PREX1: variants seen among roughly 807,000 people sequenced by gnomAD.
PREX1 encodes phosphatidylinositol-3,4,5-trisphosphate dependent Rac exchange factor 1.
PREX1 carries 41 observed loss-of-function variants against 198.3 expected under a neutral mutation model. That is an observed-to-expected ratio of 0.21 (90% CI 0.16 to 0.27). The LOEUF is 0.27. Among genes scored for constraint, PREX1 ranks in the 10% least tolerant of loss-of-function variants. The pLI, the probability that PREX1 is intolerant of heterozygous loss-of-function variation, is 1.00. For synonymous variants in PREX1, 843 were observed against 887.2 expected, an observed-to-expected ratio of 0.95 and a Z score of 0.89; for missense variants, 1,620 against 2,200.7, an observed-to-expected ratio of 0.74 and a Z score of 5.28.
chr20:48,690,811 C>T (rs2089814987), intron 9 of PREX1, 136 bp downstream of exon 9: 1 of 1,292,588 alleles, frequency 7.7e-7, no homozygotes, highest in African/African-American at 1.5e-5. Context: ...CTCCCTGTCC[C>T]TTCAAATACC....
At chr20:48,799,685 G>A (rs901057125) in intron 1 of PREX1, among the ~76,000 whole-genome samples, 1 of 152,144 alleles carries the variant, frequency 6.6e-6, no homozygotes, top group African/African-American at 2.4e-5. Context: ...TTAGATAGGT[G>A]GAAAATGGGG....
intron 13 of PREX1, among the ~76,000 whole-genome samples, chr20:48,676,559 T>C (rs1025393539): frequency 1.3e-5 from 2 of 151,606 alleles, no homozygotes; most frequent in Non-Finnish European, 2.9e-5. Flanking sequence ...CAGCTGGGGG[T>C]GATTTTGCCC....
At chr20:48,628,088 A>C (rs1020960674) in intron 37 of PREX1, 125 bp from the exon 38 acceptor site, 32 of 692,822 alleles carry the variant, frequency 4.6e-5, no homozygotes, top group Middle Eastern at 4.0e-4. Flanking sequence ...GGCCTCCCAG[A>C]CCCAATCCTG....
chr20:48,688,632 G>A (rs6125433), intron 10 of PREX1, 25 bp downstream of exon 10: 1 of 1,613,800 alleles, frequency 6.2e-7, no homozygotes, highest in South Asian at 1.1e-5. Flanking sequence ...CAGGGACCCA[G>A]GGAGTTCAGA....
At chr20:48,631,519 G>A (rs4809712) in intron 35 of PREX1, among the ~76,000 whole-genome samples, 12,347 of 152,252 alleles carry the variant, frequency 0.081, 580 homozygotes, top group South Asian at 0.15. Context: ...AGGACTCAGA[G>A]TATTCCACAG....
chr20:48,656,491 T>A (rs1439122769), intron 18 of PREX1: 9 of 456,728 alleles, frequency 2.0e-5, no homozygotes, highest in South Asian at 1.4e-4. Context: ...TCCAGCCCCA[T>A]CAGCTTCCTT....
chr20:48,689,919 G>T (rs1178347909), intron 9 of PREX1, among the ~76,000 whole-genome samples: 1 of 152,242 alleles, frequency 6.6e-6, no homozygotes, highest in African/African-American at 2.4e-5. Flanking sequence ...GAGAGGAGAA[G>T]CGGATGGGTG....
intron 31 of PREX1, 88 bp from the exon 32 acceptor site, chr20:48,636,771 C>T (rs918433782): frequency 7.0e-6 from 8 of 1,149,024 alleles, no homozygotes; most frequent in Non-Finnish European, 7.2e-6. Flanking sequence ...TCCAGGACCC[C>T]TCATGGAACC....
At position 48,639,192 on chromosome 20, in the gene PREX1, C is replaced by T. The variant is rs529417511; in HGVS notation, c.3904+574G>A. Reference sequence around the variant, plus strand: ...TGAACTGGAAAGCACCTCGGCCCCACGTACACAGAGCGGCCGCCACTCCTC... The same window carrying T: ...TGAACTGGAAAGCACCTCGGCCCCATGTACACAGAGCGGCCGCCACTCCTC... On this transcript the variant is annotated intron_variant, in intron 30 of 39. Coordinates refer to ENST00000371941, the MANE Select transcript of PREX1 (RefSeq NM_020820.4). 2.8e-4 allele frequency among the ~76,000 whole-genome samples: 42 copies of T among 152,356 alleles called. 1 individual carries two copies. In the South Asian group the frequency reaches 8.1e-3, roughly 29 times the overall value.
intron 14 of PREX1, among the ~76,000 whole-genome samples, chr20:48,667,783 G>A (rs1348656491): frequency 6.6e-6 from 1 of 152,224 alleles, no homozygotes; most frequent in Non-Finnish European, 1.5e-5. Flanking sequence ...AACTCTCCCA[G>A]GTGGGATGTC....
chr20:48,718,779 T>C (rs978755441), intron 5 of PREX1, among the ~76,000 whole-genome samples: 1 of 152,204 alleles, frequency 6.6e-6, no homozygotes, highest in African/African-American at 2.4e-5. Context: ...TAAAAATAAC[T>C]AATATTAAGC....
At chr20:48,696,960 C>T (rs866991685) in intron 7 of PREX1, among the ~76,000 whole-genome samples, 1 of 138,276 alleles carries the variant, frequency 7.2e-6, no homozygotes, top group African/African-American at 3.0e-5. Flanking sequence ...GAGTCAACTG[C>T]TTATTATAAA....
chr20:48,669,070 C>T (rs898991527), intron 14 of PREX1, among the ~76,000 whole-genome samples: 1 of 152,092 alleles, frequency 6.6e-6, no homozygotes, highest in Admixed American at 6.5e-5. Flanking sequence ...GGGAAGGATG[C>T]AATTTCTCCT....
intron 1 of PREX1, among the ~76,000 whole-genome samples, chr20:48,783,061 A>T (rs2090296832): frequency 6.6e-6 from 1 of 152,218 alleles, no homozygotes; most frequent in Non-Finnish European, 1.5e-5. Context: ...GCCACTCACC[A>T]GCTGCGTGAC....
At chr20:48,781,972 C>A (rs1436488555) in intron 1 of PREX1, among the ~76,000 whole-genome samples, 4 of 152,182 alleles carry the variant, frequency 2.6e-5, no homozygotes, top group Non-Finnish European at 5.9e-5. Context: ...AAATGACTTA[C>A]CCTGTTACAG....
chr20:48,661,224 G>C (rs2089588351), intron 15 of PREX1, among the ~76,000 whole-genome samples: 1 of 151,392 alleles, frequency 6.6e-6, no homozygotes. Context: ...TCCCAGACCA[G>C]CCTGACACAA....
chr20:48,773,870 T>C (rs945136754), intron 1 of PREX1, among the ~76,000 whole-genome samples: 1 of 152,188 alleles, frequency 6.6e-6, no homozygotes, highest in Non-Finnish European at 1.5e-5. Context: ...AACAACAGAC[T>C]GTAGCAGGGA....
the PREX1 span, among the ~76,000 whole-genome samples, chr20:48,856,617 G>A: frequency 6.6e-6 from 1 of 152,236 alleles, no homozygotes; most frequent in South Asian, 2.1e-4. Context: ...AGGAGAGTAA[G>A]TAAAATCACT....
chr20:48,659,325 G>C (rs2089572167), intron 16 of PREX1, among the ~76,000 whole-genome samples: 1 of 148,334 alleles, frequency 6.7e-6, no homozygotes, highest in Non-Finnish European at 1.5e-5. Flanking sequence ...AAAGAAGAGA[G>C]AGGAAGGAAG....
Sources: allele counts gnomAD v4.1 joint callset (sites outside exome capture counted in the v4.1 genomes callset), GRCh38; gene constraint gnomAD v4.1.1; transcripts MANE v1.5; gene names NCBI Gene and HGNC (gene_info 2026-07-23, HGNC 2026-07-21).